Variants in TNRC6C observed in about 807,000 individuals in gnomAD.
The protein encoded by TNRC6C is trinucleotide repeat-containing gene 6C protein.
In TNRC6C, 20 loss-of-function variants were observed where a neutral mutation model predicts 153.7. The observed-to-expected ratio is 0.13, with a 90% confidence interval of 0.09 to 0.19. The LOEUF (loss-of-function observed/expected upper bound fraction) is 0.19, where lower values mean the gene tolerates loss of function less well. TNRC6C is among the 10% of genes least tolerant of loss of function. The pLI, the probability that TNRC6C is intolerant of heterozygous loss-of-function variation, is 1.00. For missense variants in TNRC6C, 1,987 were observed against 2,172.0 expected (o/e 0.91, Z 1.69); for synonymous variants, 811 against 841.4 (o/e 0.96, Z 0.63).
At chr17:78,010,080 G>A (rs796537980) in intron 1 of TNRC6C, among the ~76,000 whole-genome samples, 65 of 150,060 alleles carry the variant, frequency 4.3e-4, no homozygotes, top group African/African-American at 1.5e-3. Flanking sequence ...GCAGGGTTTC[G>A]CCCTGTTGCC....
intron 1 of TNRC6C, among the ~76,000 whole-genome samples, chr17:78,019,446 C>G (rs559432114): frequency 6.6e-6 from 1 of 152,294 alleles, no homozygotes; most frequent in African/African-American, 2.4e-5. Flanking sequence ...CTATTTGGCC[C>G]TGTTATGACA....
chr17:78,066,272 C>A (rs1332371810), intron 4 of TNRC6C: 1 of 150,828 alleles, frequency 6.6e-6, no homozygotes, highest in Non-Finnish European at 1.5e-5. Flanking sequence ...GCAGAAGCTT[C>A]ATCTTTTCTT....
chr17:78,028,873 A>G (rs1186202669), intron 1 of TNRC6C, among the ~76,000 whole-genome samples: 1 of 152,202 alleles, frequency 6.6e-6, no homozygotes, highest in Non-Finnish European at 1.5e-5. Context: ...AATGTCCTGG[A>G]TAATGATGTT....
At chr17:78,046,571 GT>G (rs2072415653) in intron 2 of TNRC6C, among the ~76,000 whole-genome samples, 1 of 151,946 alleles carries the variant, frequency 6.6e-6, no homozygotes, top group African/African-American at 2.4e-5. Flanking sequence ...GATATCTTTT[GT>G]TATATAGATG....
chr17:78,066,006 G>T (rs892442640), intron 4 of TNRC6C, among the ~76,000 whole-genome samples: 7 of 152,142 alleles, frequency 4.6e-5, no homozygotes, highest in Middle Eastern at 3.2e-3. Context: ...CAAGGTGGGT[G>T]GACCACCTGA....
intron 3 of TNRC6C, among the ~76,000 whole-genome samples, chr17:78,054,908 A>C (rs891834691): frequency 6.6e-6 from 1 of 151,364 alleles, no homozygotes; most frequent in Non-Finnish European, 1.5e-5. Flanking sequence ...ACCACTGCGG[A>C]CTACTGTATG....
intron 1 of TNRC6C, among the ~76,000 whole-genome samples, chr17:78,012,488 C>T (rs1253966233): frequency 2.0e-5 from 3 of 152,042 alleles, no homozygotes; most frequent in Non-Finnish European, 4.4e-5. Context: ...ACCTCCTAAC[C>T]TAAAATAAAG....
intron 17 of TNRC6C, among the ~76,000 whole-genome samples, chr17:78,100,839 G>T (rs2073580490): frequency 7.0e-6 from 1 of 142,614 alleles, no homozygotes; most frequent in Non-Finnish European, 1.5e-5. Context: ...ACAGTGGCGT[G>T]ATCTCGGCTC....
exon 3 of TNRC6C, chr17:78,050,556 G>A (rs760989909): frequency 6.2e-7 from 1 of 1,613,122 alleles, no homozygotes; most frequent in Non-Finnish European, 8.5e-7. Flanking sequence ...GGTCCATCAT[G>A]AACAGTACAA....
intron 1 of TNRC6C, among the ~76,000 whole-genome samples, chr17:77,989,907 A>AGGG: frequency 6.6e-6 from 1 of 152,102 alleles, no homozygotes; most frequent in East Asian, 1.9e-4. Context: ...TTTGATTTAT[A>AGGG]TTTCTGCATT....
chr17:78,021,054 AAATT>A (rs2071822585), intron 1 of TNRC6C, among the ~76,000 whole-genome samples: 1 of 152,232 alleles, frequency 6.6e-6, no homozygotes, highest in African/African-American at 2.4e-5. Context: ...TCAGACCAGG[AAATT>A]CTTGTTTGAC....
chr17:78,093,377 C>G (rs66560815), intron 15 of TNRC6C: 58,290 of 662,312 alleles, frequency 0.088, 3,135 homozygotes, highest in Admixed American at 0.15. Context: ...GCACACTGCA[C>G]ACTATCCGGT....
chr17:78,026,977 G>A (rs887945788), intron 1 of TNRC6C, among the ~76,000 whole-genome samples: 4 of 152,258 alleles, frequency 2.6e-5, no homozygotes, highest in African/African-American at 4.8e-5. Context: ...AGGGCGAGGC[G>A]AGAAAGCTGA....
At chr17:78,035,059 G>A (rs1200784204) in intron 2 of TNRC6C, among the ~76,000 whole-genome samples, 1 of 152,150 alleles carries the variant, frequency 6.6e-6, no homozygotes, top group Non-Finnish European at 1.5e-5. Context: ...CCACCAACTA[G>A]TCCTTCCATT....
exon 2 of TNRC6C, chr17:78,031,817 G>A: frequency 8.1e-7 from 1 of 1,232,304 alleles, no homozygotes; most frequent in Non-Finnish European, 1.0e-6. Context: ...CCGGAACACA[G>A]CATCATCCCA....
At chr17:78,087,045 A>G (rs1239766460) in exon 13 of TNRC6C, 1 of 1,612,482 alleles carries the variant, frequency 6.2e-7, no homozygotes, top group Admixed American at 1.7e-5. Flanking sequence ...TGACCTGCAG[A>G]CCAAAGAGCA....
At chr17:78,025,443 CG>C (rs1408080894) in intron 1 of TNRC6C, among the ~76,000 whole-genome samples, 2 of 152,156 alleles carry the variant, frequency 1.3e-5, no homozygotes, top group Non-Finnish European at 2.9e-5. Context: ...TTTTAAATCA[CG>C]TAATGTTCCA....
intron 1 of TNRC6C, among the ~76,000 whole-genome samples, chr17:77,984,875 G>A (rs138841376): frequency 1.3e-3 from 191 of 152,150 alleles, no homozygotes; most frequent in African/African-American, 4.5e-3. Flanking sequence ...ATTATAGTAA[G>A]TATCTACTTT....
chr17:77,977,757 A>G (rs1209623180), intron 1 of TNRC6C, among the ~76,000 whole-genome samples: 2 of 152,150 alleles, frequency 1.3e-5, no homozygotes, highest in African/African-American at 2.4e-5. Flanking sequence ...TATGAAGCTA[A>G]CATACCAAAG....
Sources: allele counts gnomAD v4.1 joint callset (sites outside exome capture counted in the v4.1 genomes callset), GRCh38; gene constraint gnomAD v4.1.1; transcripts MANE v1.5; gene names NCBI Gene and HGNC (gene_info 2026-07-23, HGNC 2026-07-21).